DAB1: variants seen among roughly 807,000 people sequenced by gnomAD.
DAB1 encodes the protein DAB adaptor protein 1, also known as disabled homolog 1.
In DAB1, 15 loss-of-function variants were observed where a neutral mutation model predicts 64.6. The ratio of observed to expected loss-of-function variants is 0.23; its 90% CI spans 0.16 to 0.36. DAB1 has a LOEUF of 0.36. Ranked by LOEUF, DAB1 falls within the 10% of genes least tolerant of loss-of-function variation. DAB1 has a pLI of 1.00. For missense variants in DAB1, 596 were observed against 706.7 expected (o/e 0.84, Z 1.78); for synonymous variants, 235 against 251.9 (o/e 0.93, Z 0.64).
intron 7 of DAB1, among the ~76,000 whole-genome samples, chr1:57,575,967 T>C (rs1235627439): frequency 1.3e-5 from 2 of 152,266 alleles, no homozygotes; most frequent in East Asian, 3.9e-4. Flanking sequence ...CCCCTAGTAC[T>C]TCAGAATGCA....
intron 2 of DAB1, among the ~76,000 whole-genome samples, chr1:58,507,036 C>G (rs971580720): frequency 1.3e-5 from 2 of 152,012 alleles, no homozygotes; most frequent in Admixed American, 6.5e-5. Flanking sequence ...GTTAACTACC[C>G]TAAGAATGTA....
intron 2 of DAB1, among the ~76,000 whole-genome samples, chr1:57,247,814 C>T (rs1669002643): frequency 6.6e-6 from 1 of 152,174 alleles, no homozygotes; most frequent in South Asian, 2.1e-4. Flanking sequence ...TGCCCATTCT[C>T]CCTGCTAGTT....
intron 4 of DAB1, among the ~76,000 whole-genome samples, chr1:58,315,514 G>C (rs1232855856): frequency 6.6e-6 from 1 of 152,114 alleles, no homozygotes; most frequent in East Asian, 1.9e-4. Context: ...TGGGTGCTGG[G>C]GTGCAGGAGG....
At chr1:57,508,254 AT>A in intron 7 of DAB1, among the ~76,000 whole-genome samples, 2 of 152,214 alleles carry the variant, frequency 1.3e-5, no homozygotes, top group African/African-American at 4.8e-5. Context: ...ATCTCTCAAA[AT>A]TCCACCCCTC....
At chr1:58,248,594 A>C (rs1206766210) in intron 4 of DAB1, among the ~76,000 whole-genome samples, 4 of 152,288 alleles carry the variant, frequency 2.6e-5, no homozygotes, top group South Asian at 2.1e-4. Flanking sequence ...CAGATAGAAG[A>C]AGCTTAAAAT....
chr1:58,041,156 C>A (rs1227359577), intron 5 of DAB1, among the ~76,000 whole-genome samples: 3 of 152,218 alleles, frequency 2.0e-5, no homozygotes, highest in African/African-American at 4.8e-5. Flanking sequence ...ATCTGTGAAG[C>A]CTTTAAAGTC....
At chr1:57,687,705 G>A (rs559689909) in intron 6 of DAB1, among the ~76,000 whole-genome samples, 1 of 151,406 alleles carries the variant, frequency 6.6e-6, no homozygotes, top group Non-Finnish European at 1.5e-5. Context: ...GCATGGTACT[G>A]GTACAAAAAC....
intron 1 of DAB1, among the ~76,000 whole-genome samples, chr1:57,325,356 C>A (rs12094275): frequency 1.3e-5 from 2 of 152,082 alleles, no homozygotes; most frequent in Non-Finnish European, 2.9e-5. Context: ...GGGCAGAGGA[C>A]GAAACAGGGT....
intron 6 of DAB1, among the ~76,000 whole-genome samples, chr1:57,815,592 G>C (rs852753): frequency 0.31 from 47,135 of 151,522 alleles, 8,656 homozygotes; most frequent in Admixed American, 0.46. Context: ...AAAATGTAAA[G>C]AGAGGTACCC....
chr1:57,997,140 G>T (rs1033538161), intron 5 of DAB1, among the ~76,000 whole-genome samples: 1 of 152,154 alleles, frequency 6.6e-6, no homozygotes, highest in South Asian at 2.1e-4. Flanking sequence ...TTATTGGGAA[G>T]CTCGGCAAGT....
intron 5 of DAB1, among the ~76,000 whole-genome samples, chr1:58,091,459 T>C (rs1028957776): frequency 5.3e-5 from 8 of 152,144 alleles, no homozygotes; most frequent in African/African-American, 1.9e-4. Context: ...ATTTATTCAC[T>C]GATTGCATTT....
At chr1:57,772,872 A>C (rs2101832386) in intron 6 of DAB1, among the ~76,000 whole-genome samples, 1 of 152,236 alleles carries the variant, frequency 6.6e-6, no homozygotes, top group Middle Eastern at 3.4e-3. Flanking sequence ...AATCATGTTA[A>C]GTTGAGGTCA....
chr1:58,428,936 C>A (rs61780373), intron 3 of DAB1, among the ~76,000 whole-genome samples: 32,215 of 152,142 alleles, frequency 0.21, 3,774 homozygotes, highest in Middle Eastern at 0.28. Context: ...GTGCTGCTGA[C>A]TACAAAGGGG....
intron 2 of DAB1, among the ~76,000 whole-genome samples, chr1:57,159,331 G>C (rs1161050362): frequency 6.6e-6 from 1 of 152,130 alleles, no homozygotes; most frequent in Non-Finnish European, 1.5e-5. Context: ...AGTGTCTCTT[G>C]AAGCACCATT....
chr1:58,246,646 TAGTG>T (rs200898735), intron 4 of DAB1, among the ~76,000 whole-genome samples: 2,302 of 152,148 alleles, frequency 0.015, 56 homozygotes, highest in African/African-American at 0.052. Context: ...GTGAGTATGG[TAGTG>T]AGTGATGTAG....
intron 6 of DAB1, among the ~76,000 whole-genome samples, chr1:57,802,238 T>A (rs1420387429): frequency 2.6e-5 from 4 of 152,234 alleles, no homozygotes; most frequent in African/African-American, 9.6e-5. Context: ...GGTGAGGCTG[T>A]TACTTACTTT....
chr1:57,427,102 A>T (rs1685320406), upstream of DAB1, among the ~76,000 whole-genome samples: 1 of 151,980 alleles, frequency 6.6e-6, no homozygotes, highest in African/African-American at 2.4e-5. Flanking sequence ...TGACCTCATG[A>T]TCCACCCGCC....
At chr1:58,026,793 C>T (rs748991692) in intron 5 of DAB1, among the ~76,000 whole-genome samples, 1 of 152,190 alleles carries the variant, frequency 6.6e-6, no homozygotes, top group Non-Finnish European at 1.5e-5. Flanking sequence ...TGTGTATATG[C>T]TCTGTTTCCC....
intron 7 of DAB1, among the ~76,000 whole-genome samples, chr1:57,516,311 C>T (rs150078401): frequency 1.4e-3 from 217 of 152,164 alleles, no homozygotes; most frequent in Middle Eastern, 6.8e-3. Context: ...ATGTAAGAGT[C>T]TCGAAAGGAG....
Sources: gnomAD v4.1 joint callset for allele counts (sites outside exome capture counted in the v4.1 genomes callset) on GRCh38, gnomAD v4.1.1 for gene constraint, MANE v1.5 for transcripts, NCBI Gene and HGNC (gene_info 2026-07-23, HGNC 2026-07-21) for gene names.